CATSPER3: variants seen among roughly 807,000 people sequenced by gnomAD.
CATSPER3 encodes cation channel sperm associated 3, also known as cation channel sperm-associated protein 3.
In CATSPER3, 23 loss-of-function variants were observed where a neutral mutation model predicts 36.6. The observed-to-expected ratio is 0.63, with a 90% CI of 0.45 to 0.89. CATSPER3 has a LOEUF of 0.89. Among genes scored for constraint, CATSPER3 ranks in the 40% least tolerant of loss-of-function variants. The pLI is 0.00. For synonymous variants in CATSPER3, 172 were observed against 184.1 expected, an observed-to-expected ratio of 0.93 and a Z score of 0.53; for missense variants, 474 against 503.9, an observed-to-expected ratio of 0.94 and a Z score of 0.57.
chr5:134,995,780 A>G (rs1751937620), intron 2 of CATSPER3: 1 of 217,152 alleles, frequency 4.6e-6, no homozygotes, highest in Admixed American at 5.2e-5. Context: ...AGAGTTGTAG[A>G]TGCATGAAAA....
intron 2 of CATSPER3, among the ~76,000 whole-genome samples, chr5:134,982,654 A>G (rs1416173090): frequency 6.6e-6 from 1 of 152,212 alleles, no homozygotes; most frequent in Non-Finnish European, 1.5e-5. Context: ...CAAAAATGAG[A>G]GGGTTTGTTG....
At position 135,011,663 on chromosome 5, in the gene CATSPER3, C is replaced by A; in HGVS notation, c.*40C>A. The A allele has an allele frequency of 1.5e-6, 2 of 1,349,276 alleles. No homozygotes were observed. Among genetic ancestry groups the A allele is most frequent in the Non-Finnish European group, 2.1e-6 (2 of 943,898 alleles). 83.6% of individuals were successfully genotyped at this position (1,349,276 alleles called of 1,614,324 possible). A position where few individuals can be genotyped will look rare whatever the true frequency, so the allele number is the denominator to read the frequency against. ...CCCATGTGCCGAGAGCCTTGCAGAC[C>A]ATGACAGGTCCCTATTAAACACAGG... On this transcript the variant is annotated 3_prime_UTR_variant, in exon 8 of 8. Transcript: ENST00000282611.
At chr5:134,971,509 A>T (rs890918019) in intron 2 of CATSPER3, among the ~76,000 whole-genome samples, 2 of 152,170 alleles carry the variant, frequency 1.3e-5, no homozygotes, top group Admixed American at 6.5e-5. Context: ...TAGTTTCCTT[A>T]CTACAAGCCG....
chr5:135,006,025 C>T (rs1752081541), intron 3 of CATSPER3, among the ~76,000 whole-genome samples: 1 of 152,174 alleles, frequency 6.6e-6, no homozygotes, highest in Admixed American at 6.5e-5. Context: ...GAATTGCCCC[C>T]CCAAAAGAAT....
chr5:134,984,265 A>G (rs955511572), intron 2 of CATSPER3, among the ~76,000 whole-genome samples: 17 of 152,248 alleles, frequency 1.1e-4, no homozygotes, highest in Non-Finnish European at 8.8e-5. Flanking sequence ...CAAATGCAAC[A>G]AAATTGTATA....
At chr5:135,000,741 G>T (rs1752010282) in intron 3 of CATSPER3, among the ~76,000 whole-genome samples, 2 of 152,150 alleles carry the variant, frequency 1.3e-5, no homozygotes, top group African/African-American at 4.8e-5. Flanking sequence ...ATGGTAGTTT[G>T]TATTTCTGTG....
At chr5:135,009,032 A>T (rs777043779) in intron 5 of CATSPER3, 51 bp downstream of exon 5, 1 of 1,612,826 alleles carries the variant, frequency 6.2e-7, no homozygotes, top group East Asian at 2.2e-5. Context: ...TGGCAGATGG[A>T]GCTGTAGGGC....
At position 134,967,930 on chromosome 5, in the gene CATSPER3, C is replaced by T. The variant is rs1156708463; in HGVS notation, c.-62C>T. 42 of 1,271,992 alleles carry T rather than the reference C, an allele frequency of 3.3e-5. No homozygotes were observed. The highest frequency in any genetic ancestry group is 4.7e-5 in the Non-Finnish European group (41 of 870,770). 78.8% of individuals were successfully genotyped at this position (1,271,992 alleles called of 1,614,324 possible). On this transcript the variant is annotated 5_prime_UTR_variant, in exon 1 of 8. Coordinates refer to ENST00000282611, the MANE Select transcript of CATSPER3 (RefSeq NM_178019.3). Reference sequence around the variant, plus strand: ...TCAGAATCCAGACGCTAAGGAAAATCCCTAAGCAGAGATTTTCTGTTGGAT... The same window carrying T: ...TCAGAATCCAGACGCTAAGGAAAATTCCTAAGCAGAGATTTTCTGTTGGAT...
rs548612148 is a variant in CATSPER3, at chr5:134,975,034, G to C, written c.252+4942G>C. 6.6e-5 allele frequency: 10 copies of C among 151,968 alleles called. No homozygotes were observed. The South Asian group carries it at 2.1e-3, about 32-fold the overall frequency. 9.4% of individuals were successfully genotyped at this position (151,968 alleles called of 1,614,324 possible). A position where few individuals can be genotyped will look rare whatever the true frequency, so the allele number is the denominator to read the frequency against. On this transcript the variant is annotated intron_variant, in intron 2 of 7. Transcript: ENST00000282611. ...TATACAGATTTGGGTTCAAGCCCCA[G>C]CTTCCTACCTTATTACTAACTGAGA...
chr5:135,004,846 G>T (rs1354968318), intron 3 of CATSPER3, among the ~76,000 whole-genome samples: 1 of 152,170 alleles, frequency 6.6e-6, no homozygotes, highest in Non-Finnish European at 1.5e-5. Flanking sequence ...CCAGGATAAG[G>T]TAGATGGTGG....
chr5:135,007,955 A>G lies in CATSPER3; in HGVS notation c.493-2A>G. On this transcript the variant is annotated splice_acceptor_variant, in intron 3 of 7. Transcript: ENST00000282611. LOFTEE classifies it high-confidence loss of function. ...GCCTACCACAGTGTCCCTGCCTTGC[A>G]GACGCTGATCACCGCCGTGGGGCAG... 6.2e-7 allele frequency: 1 copy of G among 1,613,744 alleles called. No homozygotes were observed. The highest frequency in any genetic ancestry group is 8.5e-7 in the Non-Finnish European group (1 of 1,179,962).
intron 2 of CATSPER3, among the ~76,000 whole-genome samples, chr5:134,972,605 A>G (rs905545382): frequency 1.3e-5 from 2 of 152,202 alleles, no homozygotes; most frequent in African/African-American, 2.4e-5. Context: ...TGAAGACATG[A>G]AAAGGTTTCA....
chr5:135,000,363 A>G (rs1752005218), intron 3 of CATSPER3, among the ~76,000 whole-genome samples: 1 of 152,120 alleles, frequency 6.6e-6, no homozygotes, highest in South Asian at 2.1e-4. Context: ...TTCATCAGGG[A>G]TATTGGTCTA....
At chr5:134,988,214 C>T (rs1751834447) in intron 2 of CATSPER3, among the ~76,000 whole-genome samples, 1 of 152,214 alleles carries the variant, frequency 6.6e-6, no homozygotes, top group African/African-American at 2.4e-5. Context: ...TCATCTGAGC[C>T]TTCAGCAAGA....
Position 135,010,859 on chromosome 5 carries a change from G to A in CATSPER3, c.1094+329G>A, listed in dbSNP as rs536249522. Among the ~76,000 whole-genome samples, 11 of 152,338 alleles carry A rather than the reference G, an allele frequency of 7.2e-5. No individual in the cohort carries two copies. The East Asian group carries it at 2.1e-3, about 29-fold the overall frequency. ...GAGGAAAGACCACTGGGTAGCCTCAGCTTCTGGCCTGGTTGTGCCACTACC... is the reference window on the plus strand; with the variant it reads ...GAGGAAAGACCACTGGGTAGCCTCAACTTCTGGCCTGGTTGTGCCACTACC... On this transcript the variant is annotated intron_variant, in intron 7 of 7. Coordinates refer to ENST00000282611, the MANE Select transcript of CATSPER3 (RefSeq NM_178019.3).
chr5:134,993,781 C>G (rs942460402), intron 2 of CATSPER3, among the ~76,000 whole-genome samples: 1 of 152,176 alleles, frequency 6.6e-6, no homozygotes, highest in Non-Finnish European at 1.5e-5. Flanking sequence ...CTGCCCAAAA[C>G]AAACTAACCT....
At chr5:134,978,490 A>G (rs1751706345) in intron 2 of CATSPER3, among the ~76,000 whole-genome samples, 1 of 152,202 alleles carries the variant, frequency 6.6e-6, no homozygotes. Context: ...CTATAAAAAA[A>G]CTGATTGCAA....
At chr5:135,010,754 C>T (rs571426735) in intron 7 of CATSPER3, among the ~76,000 whole-genome samples, 36 of 152,272 alleles carry the variant, frequency 2.4e-4, no homozygotes, top group African/African-American at 7.7e-4. Flanking sequence ...TGCCCCTCCC[C>T]AACCCACCTT....
At chr5:134,993,986 G>A (rs1198484368) in intron 2 of CATSPER3, among the ~76,000 whole-genome samples, 18 of 152,152 alleles carry the variant, frequency 1.2e-4, no homozygotes, top group African/African-American at 4.1e-4. Context: ...TTAGCCAGGC[G>A]TGGTGGCAGG....
Sources: gnomAD v4.1 joint callset for allele counts (sites outside exome capture counted in the v4.1 genomes callset) on GRCh38, gnomAD v4.1.1 for gene constraint, MANE v1.5 for transcripts, NCBI Gene and HGNC (gene_info 2026-07-23, HGNC 2026-07-21) for gene names.